The following ELAVL2 variants were observed in gnomAD, a reference collection of about 807,000 sequenced individuals.
The protein encoded by ELAVL2 is ELAV like RNA binding protein 2, also known as ELAV-like protein 2.
A neutral mutation model predicts 34.6 loss-of-function variants in ELAVL2; 4 were observed. That is an observed-to-expected ratio of 0.12 (90% confidence interval 0.06 to 0.26). ELAVL2 has a LOEUF of 0.26. Ranked by LOEUF, ELAVL2 falls within the 10% of genes least tolerant of loss-of-function variation. ELAVL2 has a pLI of 1.00. For synonymous variants in ELAVL2, 193 were observed against 154.8 expected, an observed-to-expected ratio of 1.25 and a Z score of -1.83; for missense variants, 432 against 442.8, an observed-to-expected ratio of 0.98 and a Z score of 0.22.
chr9:23,813,181 C>T (rs1470435313), intron 1 of ELAVL2, among the ~76,000 whole-genome samples: 1 of 152,130 alleles, frequency 6.6e-6, no homozygotes, highest in Admixed American at 6.6e-5. Context: ...ATCCACCTTC[C>T]TTATTGTAAA....
rs1368631220 is a variant in ELAVL2 at position 23,692,659 on chromosome 9, G to A, written c.978C>T (p.Asn326=). 1.9e-6 allele frequency: 3 copies of A among 1,614,174 alleles called. No individual in the cohort carries two copies. In the Admixed American group the frequency reaches 5.0e-5, roughly 27 times the overall value. Residue 326 remains asparagine (N), a synonymous_variant, in exon 7 of 7, where the codon AAC becomes AAT. Coordinates refer to ENST00000397312, the MANE Select transcript of ELAVL2 (RefSeq NM_004432.5). ...CTATCGCCATGGCAGCCTCATCATA[G>A]TTTGTCATAGTCACAAATCCAAAAC... ...CKGFGFVTMT[N]YDEAAMAIAS... is the part of the protein sequence containing the mutation.
At chr9:23,708,951 T>TA (rs1159631339) in intron 3 of ELAVL2, among the ~76,000 whole-genome samples, 1 of 152,194 alleles carries the variant, frequency 6.6e-6, no homozygotes, top group Non-Finnish European at 1.5e-5. Flanking sequence ...TTAATATTTT[T>TA]AAGAGTAATT....
intron 1 of ELAVL2, among the ~76,000 whole-genome samples, chr9:23,809,299 A>G (rs2062660841): frequency 6.6e-6 from 1 of 152,156 alleles, no homozygotes; most frequent in African/African-American, 2.4e-5. Flanking sequence ...TAGGAAGAGT[A>G]AAATATTTGC....
intron 1 of ELAVL2, among the ~76,000 whole-genome samples, chr9:23,791,862 T>A (rs572477508): frequency 6.2e-4 from 95 of 152,312 alleles, no homozygotes; most frequent in African/African-American, 2.3e-3. Context: ...GGCTATGGTA[T>A]TCTGTTATGG....
intron 3 of ELAVL2, among the ~76,000 whole-genome samples, chr9:23,715,041 T>C (rs1302794175): frequency 1.3e-5 from 2 of 152,170 alleles, no homozygotes; most frequent in Non-Finnish European, 2.9e-5. Context: ...TATTACTATG[T>C]TTTATACTTC....
chr9:23,804,214 C>T (rs1202971380), intron 1 of ELAVL2, among the ~76,000 whole-genome samples: 3 of 151,208 alleles, frequency 2.0e-5, no homozygotes, highest in African/African-American at 7.3e-5. Context: ...CGCTCTGTCG[C>T]CCAGGCAGGA....
chr9:23,721,016 CA>C (rs1167548832), intron 3 of ELAVL2, among the ~76,000 whole-genome samples: 1 of 152,174 alleles, frequency 6.6e-6, no homozygotes, highest in East Asian at 1.9e-4. Context: ...AAATAATCCT[CA>C]AAACTCTGGG....
At chr9:23,758,114 G>A (rs912908511) in intron 2 of ELAVL2, among the ~76,000 whole-genome samples, 6 of 152,046 alleles carry the variant, frequency 3.9e-5, no homozygotes, top group Non-Finnish European at 7.4e-5. Context: ...TGCTTCCCAG[G>A]AGGTAGAATA....
the ELAVL2 span, among the ~76,000 whole-genome samples, chr9:23,849,154 C>A: frequency 6.6e-6 from 1 of 152,106 alleles, no homozygotes; most frequent in Non-Finnish European, 1.5e-5. Flanking sequence ...GAAGTCCATC[C>A]ATGGAATATA....
intron 1 of ELAVL2, among the ~76,000 whole-genome samples, chr9:23,780,161 A>G (rs915208036): frequency 6.6e-6 from 1 of 151,938 alleles, no homozygotes; most frequent in African/African-American, 2.4e-5. Context: ...CCAGGACTGT[A>G]TTATAAAACA....
intron 1 of ELAVL2, among the ~76,000 whole-genome samples, chr9:23,824,843 T>G (rs3793605): frequency 0.23 from 34,675 of 151,916 alleles, 4,307 homozygotes; most frequent in East Asian, 0.37. Flanking sequence ...TTCGAGGAAG[T>G]GGGGGCGGTA....
At chr9:23,742,766 C>T (rs74365285) in intron 2 of ELAVL2, among the ~76,000 whole-genome samples, 4 of 152,224 alleles carry the variant, frequency 2.6e-5, no homozygotes, top group East Asian at 3.9e-4. Context: ...GTATAAATAA[C>T]GTGATTTTTC....
intron 1 of ELAVL2, among the ~76,000 whole-genome samples, chr9:23,801,742 AAAG>A (rs1199037316): frequency 6.6e-6 from 1 of 152,218 alleles, no homozygotes; most frequent in Non-Finnish European, 1.5e-5. Context: ...TTGAAACTAG[AAAG>A]AAATTAATTC....
At chr9:23,792,950 A>G (rs1310554725) in intron 1 of ELAVL2, among the ~76,000 whole-genome samples, 3 of 151,444 alleles carry the variant, frequency 2.0e-5, no homozygotes, top group East Asian at 1.9e-4. Context: ...TTTATTTTTT[A>G]CTTTTTGTAG....
At chr9:23,787,568 AAAAC>A (rs2059847260) in intron 1 of ELAVL2, among the ~76,000 whole-genome samples, 1 of 149,216 alleles carries the variant, frequency 6.7e-6, no homozygotes, top group Non-Finnish European at 1.5e-5. Context: ...TAGGCTTAAA[AAAAC>A]AAAAAAAAAA....
intron 2 of ELAVL2, 124 bp downstream of exon 2, chr9:23,761,880 AAC>A (rs997395605): frequency 3.9e-5 from 50 of 1,276,010 alleles, no homozygotes; most frequent in Non-Finnish European, 4.5e-5. Context: ...CTGATGTAAT[AAC>A]AGAGAGAAAA....
At chr9:23,822,011 C>T (rs1272597058) in intron 1 of ELAVL2, among the ~76,000 whole-genome samples, 2 of 151,706 alleles carry the variant, frequency 1.3e-5, no homozygotes, top group African/African-American at 4.8e-5. Context: ...CTCCGTCCCT[C>T]CGGACTTCCG....
intron 1 of ELAVL2, among the ~76,000 whole-genome samples, chr9:23,806,954 T>C (rs999236115): frequency 6.6e-6 from 1 of 152,170 alleles, no homozygotes; most frequent in African/African-American, 2.4e-5. Context: ...TTACTGTCTA[T>C]ATTTTCAGTA....
In ELAVL2 at chr9:23,825,907, G is replaced by A. The variant is rs1588881655; in HGVS notation, c.-117C>T. The stretch of plus-strand genomic sequence containing the variant: ...GCTGCTGGATAGTTCTCTTAAGACA[G>A]CACGAAACCTAAACTGTGCTCGGCT... On this transcript the variant is annotated 5_prime_UTR_variant, in exon 1 of 7. Coordinates refer to ENST00000397312, the MANE Select transcript of ELAVL2 (RefSeq NM_004432.5). 1 of 152,200 alleles carries A rather than the reference G, an allele frequency of 6.6e-6. No individual in the cohort carries two copies. The highest frequency in any genetic ancestry group is 1.9e-4 in the East Asian group (1 of 5,158). 9.4% of individuals were successfully genotyped at this position (152,200 alleles called of 1,614,324 possible).
Sources: gnomAD v4.1 joint callset for allele counts (sites outside exome capture counted in the v4.1 genomes callset) on GRCh38, gnomAD v4.1.1 for gene constraint, MANE v1.5 for transcripts, NCBI Gene and HGNC (gene_info 2026-07-23, HGNC 2026-07-21) for gene names.